Variants in R3HDM1 observed in about 807,000 individuals in gnomAD.
The protein encoded by R3HDM1 is R3H domain containing 1.
In R3HDM1, 46 loss-of-function variants were observed where a neutral mutation model predicts 141.1. The observed-to-expected ratio is 0.33, with a 90% CI of 0.26 to 0.42. R3HDM1 has a LOEUF of 0.42. R3HDM1 is among the 10% of genes least tolerant of loss of function. The pLI is 1.00. For missense variants in R3HDM1, 1,184 were observed against 1,368.3 expected (o/e 0.87, Z 2.12); for synonymous variants, 435 against 472.9 (o/e 0.92, Z 1.04).
chr2:135,657,169 G>A (rs2066016424), intron 18 of R3HDM1, among the ~76,000 whole-genome samples: 2 of 151,680 alleles, frequency 1.3e-5, no homozygotes, highest in African/African-American at 2.4e-5. Context: ...TTGGGAGGCT[G>A]AGATGTACGG....
rs753677824 is a variant in R3HDM1, at chr2:135,651,949, A to C, written c.1945A>C (p.Thr649Pro). ...CCTACCACCTGGGCAGCCAGTCCCT[A>C]CTGCTGGATATCCTGCCTCTGGTCA... Reference protein sequence around the residue: ...PPLPPGQPVPTAGYPASGHPV... With the variant: ...PPLPPGQPVPPAGYPASGHPV... Residue 649 changes from threonine (T) to proline (P), a missense_variant, in exon 18 of 27, where the codon ACT (threonine) becomes CCT (proline). Physicochemically the swap from Thr to Pro is conservative, Grantham distance 38. This residue lies in a region of R3HDM1 where 563 missense variants were observed against 562.0 expected (regional missense o/e 1.00). Transcript: ENST00000683871. The C allele has an allele frequency of 6.2e-7, 1 of 1,613,412 alleles. No homozygotes were observed. Among genetic ancestry groups the C allele is most frequent in the African/African-American group, 1.3e-5 (1 of 74,834 alleles).
intron 1 of R3HDM1, among the ~76,000 whole-genome samples, chr2:135,551,193 C>T (rs745958343): frequency 6.6e-6 from 1 of 152,118 alleles, no homozygotes; most frequent in Non-Finnish European, 1.5e-5. Flanking sequence ...TTTTATCTAG[C>T]CAATGCATGG....
intron 3 of R3HDM1, among the ~76,000 whole-genome samples, chr2:135,614,815 CTTTT>C (rs139013636): frequency 1.3e-5 from 2 of 149,306 alleles, no homozygotes; most frequent in African/African-American, 4.9e-5. Flanking sequence ...TTTTCTCTCT[CTTTT>C]TTTTTTCCTG....
chr2:135,631,356 A>G (rs2062694119), intron 7 of R3HDM1, among the ~76,000 whole-genome samples: 1 of 152,156 alleles, frequency 6.6e-6, no homozygotes, highest in Non-Finnish European at 1.5e-5. Context: ...CTAATATAGT[A>G]ATACTAAGCA....
At chr2:135,605,830 A>C (rs1024010326) in intron 3 of R3HDM1, 1 of 152,198 alleles carries the variant, frequency 6.6e-6, no homozygotes, top group Admixed American at 6.6e-5. Context: ...GACTACAGGC[A>C]TGCACCCCCA....
At chr2:135,688,949 G>A (rs1324097580) in intron 21 of R3HDM1, among the ~76,000 whole-genome samples, 4 of 152,082 alleles carry the variant, frequency 2.6e-5, no homozygotes, top group Admixed American at 6.6e-5. Flanking sequence ...AAGAAATACT[G>A]CAGAGTTTTT....
chr2:135,538,775 G>A (rs546143675), intron 1 of R3HDM1, among the ~76,000 whole-genome samples: 31 of 152,066 alleles, frequency 2.0e-4, no homozygotes, highest in Non-Finnish European at 3.7e-4. Context: ...CACCATGCCC[G>A]GCTAATTTTT....
rs372993003 is a variant in R3HDM1, at chr2:135,715,676, C to T, written c.2863C>T (p.Pro955Ser). 4.4e-5 allele frequency: 71 copies of T among 1,613,416 alleles called. 1 individual carries two copies. Among genetic ancestry groups the T allele is most frequent in the East Asian group, 3.3e-4 (15 of 44,862 alleles). Residue 955 changes from proline (P) to serine (S), a missense_variant, in exon 24 of 27, where the codon CCT becomes TCT. By Grantham distance (74) the Pro-to-Ser change is moderately conservative. Coordinates refer to ENST00000683871, the MANE Select transcript of R3HDM1 (RefSeq NM_001378107.1). ...TTCCATCATGCCCCAATTTTCTAGA[C>T]CTTTTGTCCCCGGGCAAGGTAAGTG... is the stretch of plus-strand genomic sequence containing the variant. ...PLSIMPQFSR[P>S]FVPGQGDSRY... is the part of the protein sequence containing the mutation.
At chr2:135,583,063 T>G (rs571396406) in intron 1 of R3HDM1, among the ~76,000 whole-genome samples, 1 of 152,314 alleles carries the variant, frequency 6.6e-6, no homozygotes, top group East Asian at 1.9e-4. Context: ...GGCTAATGTA[T>G]TTTTATCACA....
In R3HDM1 at chr2:135,675,428, G is replaced by A; in HGVS notation, c.2249G>A (p.Ser750Asn). Residue 750 changes from serine (S) to asparagine (N), a missense_variant, in exon 20 of 27, where the codon AGC (serine) becomes AAC (asparagine). Coordinates refer to ENST00000683871, the MANE Select transcript of R3HDM1 (RefSeq NM_001378107.1). ...AGCCTAGTCAGTGGCCAACCCAACA[G>A]CATTGGAAATCAGATTCAAGGAGTG... ...SQSLVSGQPN[S>N]IGNQIQGVVI... 6.2e-7 allele frequency: 1 copy of A among 1,613,972 alleles called. No individual in the cohort carries two copies. The highest frequency in any genetic ancestry group is 8.5e-7 in the Non-Finnish European group (1 of 1,179,868).
intron 1 of R3HDM1, among the ~76,000 whole-genome samples, chr2:135,555,993 G>A (rs1329964898): frequency 2.0e-5 from 3 of 152,104 alleles, no homozygotes; most frequent in Non-Finnish European, 4.4e-5. Context: ...TCCAACCTGT[G>A]CAGTGGAACA....
intron 3 of R3HDM1, among the ~76,000 whole-genome samples, chr2:135,614,208 G>A (rs944279716): frequency 2.0e-5 from 3 of 152,022 alleles, no homozygotes; most frequent in Non-Finnish European, 2.9e-5. Context: ...AAGCCTCCTC[G>A]TAGATTAAAA....
intron 24 of R3HDM1, among the ~76,000 whole-genome samples, chr2:135,717,732 C>A (rs927583186): frequency 6.6e-6 from 1 of 152,166 alleles, no homozygotes; most frequent in African/African-American, 2.4e-5. Flanking sequence ...CTAAAATTCT[C>A]ACACATTGGC....
chr2:135,630,080 C>A (rs1369469269), intron 7 of R3HDM1, among the ~76,000 whole-genome samples: 4 of 149,976 alleles, frequency 2.7e-5, no homozygotes, highest in Non-Finnish European at 5.9e-5. Flanking sequence ...ACCTTCGAGA[C>A]CAGCCTGACC....
intron 3 of R3HDM1, 127 bp downstream of exon 3, chr2:135,605,143 G>T (rs1235329922): frequency 4.3e-5 from 34 of 794,948 alleles, no homozygotes; most frequent in Non-Finnish European, 6.1e-5. Context: ...ATGCTTACTA[G>T]CTGGTTTTGG....
intron 1 of R3HDM1, among the ~76,000 whole-genome samples, chr2:135,536,277 C>T (rs1696091618): frequency 6.6e-6 from 1 of 152,152 alleles, no homozygotes; most frequent in Admixed American, 6.5e-5. Flanking sequence ...GTAACTACGA[C>T]TACAAACTTG....
At chr2:135,626,514 G>C (rs1327866105) in intron 7 of R3HDM1, among the ~76,000 whole-genome samples, 1 of 152,132 alleles carries the variant, frequency 6.6e-6, no homozygotes, top group Non-Finnish European at 1.5e-5. Context: ...AGTAAAATAA[G>C]ATTCTAGACA....
At chr2:135,544,490 A>C (rs1698273377) in intron 1 of R3HDM1, among the ~76,000 whole-genome samples, 1 of 152,226 alleles carries the variant, frequency 6.6e-6, no homozygotes, top group African/African-American at 2.4e-5. Flanking sequence ...CCGGCCTTTT[A>C]ACTACAAATG....
chr2:135,680,462 A>T, intron 21 of R3HDM1, 138 bp downstream of exon 21: 1 of 981,230 alleles, frequency 1.0e-6, no homozygotes, highest in South Asian at 1.9e-5. Flanking sequence ...ACTATAATAC[A>T]GTATACTTTT....
Sources: gnomAD v4.1 joint callset for allele counts (sites outside exome capture counted in the v4.1 genomes callset) on GRCh38, gnomAD v4.1.1 for gene constraint, gnomAD v4.1.1 regional missense constraint, MANE v1.5 for transcripts, NCBI Gene and HGNC (gene_info 2026-07-23, HGNC 2026-07-21) for gene names.